RBM33: variants seen among roughly 807,000 people sequenced by gnomAD.
The protein encoded by RBM33 is RNA-binding protein 33.
Under a neutral mutation model 132.6 loss-of-function variants are expected in RBM33, and 28 were observed. The observed-to-expected ratio is 0.21, with a 90% CI of 0.16 to 0.29. RBM33 has a LOEUF of 0.29. Ranked by LOEUF, RBM33 falls within the 10% of genes least tolerant of loss-of-function variation. RBM33 has a pLI of 1.00. For synonymous variants in RBM33, 634 were observed against 593.0 expected, an observed-to-expected ratio of 1.07 and a Z score of -1.01; for missense variants, 1,291 against 1,518.5, an observed-to-expected ratio of 0.85 and a Z score of 2.49.
intron 1 of RBM33, among the ~76,000 whole-genome samples, chr7:155,656,781 T>G (rs1798504073): frequency 1.3e-5 from 2 of 152,186 alleles, no homozygotes; most frequent in South Asian, 4.1e-4. Context: ...TAAGTTTGAC[T>G]ATTCTTTTTA....
intron 5 of RBM33, among the ~76,000 whole-genome samples, chr7:155,696,313 G>A (rs982986314): frequency 6.6e-6 from 1 of 152,192 alleles, no homozygotes; most frequent in Admixed American, 6.5e-5. Context: ...AATGGATAGT[G>A]TTTTTAAATC....
chr7:155,668,264 G>A (rs919865816), intron 2 of RBM33, among the ~76,000 whole-genome samples: 5 of 152,098 alleles, frequency 3.3e-5, no homozygotes, highest in Non-Finnish European at 1.5e-5. Flanking sequence ...TTTGAATTGG[G>A]CGCACATGGT....
chr7:155,748,232 CCTATA>C (rs1801580859), intron 14 of RBM33, among the ~76,000 whole-genome samples: 2 of 152,214 alleles, frequency 1.3e-5, no homozygotes, highest in South Asian at 2.1e-4. Context: ...TTTTTTCTAA[CCTATA>C]CTATATCCTA....
chr7:155,682,641 A>G (rs1197925304), intron 5 of RBM33, among the ~76,000 whole-genome samples: 1 of 152,210 alleles, frequency 6.6e-6, no homozygotes, highest in Non-Finnish European at 1.5e-5. Context: ...TGCGGACACA[A>G]ATATTGCTAA....
chr7:155,778,250 C>T lies in RBM33; in HGVS notation c.*3209C>T, dbSNP rs1376237580. On this transcript the variant is annotated 3_prime_UTR_variant, in exon 18 of 18. Transcript: ENST00000401878. This position sits in a 1 kb window ranked among gnomAD's most constrained non-coding sequence, Gnocchi z 4.0. ...TTCTTAGCATGATTTGTAAAGGTCT[C>T]AGGCAAACAGTTGTTGAAGCTTGCT... 6.6e-6 allele frequency: 1 copy of T among 152,370 alleles called. No individual in the cohort carries two copies. Among genetic ancestry groups the T allele is most frequent in the East Asian group, 1.9e-4 (1 of 5,202 alleles). The allele number at this position is 152,370 out of a possible 1,614,324, so 9.4% of individuals were successfully genotyped here.
chr7:155,766,305 C>T (rs11770545), intron 15 of RBM33, among the ~76,000 whole-genome samples, 162 bp from the exon 16 acceptor site: 39,338 of 152,090 alleles, frequency 0.26, 5,673 homozygotes, highest in African/African-American at 0.39. Context: ...TCTCATTTAG[C>T]TATTAAAACA....
At chr7:155,749,030 T>C (rs1286213113) in intron 14 of RBM33, among the ~76,000 whole-genome samples, 1 of 152,194 alleles carries the variant, frequency 6.6e-6, no homozygotes, top group Non-Finnish European at 1.5e-5. Context: ...CACGCAGTCA[T>C]GTGATGGGGT....
chr7:155,710,150 G>T (rs896028004), intron 7 of RBM33, among the ~76,000 whole-genome samples: 1 of 152,168 alleles, frequency 6.6e-6, no homozygotes, highest in African/African-American at 2.4e-5. Flanking sequence ...GAAGCCCTCC[G>T]TAATTTGGCA....
At position 155,724,990 on chromosome 7, in the gene RBM33, T is replaced by TTTTGTGTG. The variant is rs71186056; in HGVS notation, c.1260+6548_1260+6549insTTGTGTGT. 1.4e-3 allele frequency among the ~76,000 whole-genome samples: 167 copies of TTTTGTGTG among 123,364 alleles called. 1 individual carries two copies. The highest frequency in any genetic ancestry group is 4.2e-3 in the Middle Eastern group (1 of 238). 80.9% of individuals were successfully genotyped at this position (123,364 alleles called of 152,430 possible). On this transcript the variant is annotated intron_variant, in intron 9 of 17. Coordinates refer to ENST00000401878, the MANE Select transcript of RBM33 (RefSeq NM_053043.3). ...TTGCTGTAAACATTTGTGTACAGGTTTGTGTGTGTGTGTGTGTGTGTGTGT... is the reference window on the plus strand; with the variant it reads ...TTGCTGTAAACATTTGTGTACAGGTTTTTGTGTGTGTGTGTGTGTGTGTGTGTGTGTGT...
chr7:155,661,575 T>G (rs891946687), intron 1 of RBM33, among the ~76,000 whole-genome samples: 10 of 151,810 alleles, frequency 6.6e-5, no homozygotes, highest in African/African-American at 2.2e-4. Context: ...ATCTGGCTAA[T>G]TTTTGTATTT....
chr7:155,670,005 G>A (rs1798903716), intron 2 of RBM33, among the ~76,000 whole-genome samples: 1 of 152,190 alleles, frequency 6.6e-6, no homozygotes, highest in Non-Finnish European at 1.5e-5. Context: ...CTAGAGTGGG[G>A]AGGACCCAGA....
chr7:155,766,214 C>T (rs978530828), intron 15 of RBM33, among the ~76,000 whole-genome samples: 5 of 152,138 alleles, frequency 3.3e-5, no homozygotes, highest in Admixed American at 2.0e-4. Context: ...CGAGCACAAG[C>T]GTGTGGCCCC....
chr7:155,677,399 A>C (rs1234415454), intron 3 of RBM33, among the ~76,000 whole-genome samples: 3 of 152,034 alleles, frequency 2.0e-5, no homozygotes, highest in African/African-American at 7.2e-5. Context: ...TAGTAGAGTC[A>C]GGGTTTCACC....
intron 11 of RBM33, chr7:155,738,731 A>G (rs1382098784): frequency 3.7e-6 from 1 of 272,208 alleles, no homozygotes; most frequent in Non-Finnish European, 7.0e-6. Context: ...GAGGTTTACC[A>G]GTGGAAATAC....
At chr7:155,741,256 G>A (rs1388003237) in intron 12 of RBM33, among the ~76,000 whole-genome samples, 1 of 145,916 alleles carries the variant, frequency 6.9e-6, no homozygotes, top group Admixed American at 7.0e-5. Flanking sequence ...TGTTCTCTTT[G>A]CCTCCTCCAG....
At chr7:155,700,546 C>CTT (rs529323301) in intron 5 of RBM33, among the ~76,000 whole-genome samples, 1,286 of 85,568 alleles carry the variant, frequency 0.015, 103 homozygotes, top group Non-Finnish European at 0.025. Context: ...AGAATTTGAC[C>CTT]TTTTTTTTTT....
At chr7:155,670,985 T>C (rs1391160350) in intron 2 of RBM33, among the ~76,000 whole-genome samples, 2 of 152,074 alleles carry the variant, frequency 1.3e-5, no homozygotes, top group Admixed American at 6.5e-5. Flanking sequence ...CTTGTATAAT[T>C]ACTAATGCCT....
chr7:155,770,153 A>G (rs1019189800), intron 16 of RBM33, among the ~76,000 whole-genome samples: 1 of 152,256 alleles, frequency 6.6e-6, no homozygotes, highest in African/African-American at 2.4e-5. Context: ...GTTGAAATTC[A>G]GGGGAAGTGC....
chr7:155,769,465 G>A (rs1291972690), intron 16 of RBM33, among the ~76,000 whole-genome samples: 4 of 152,154 alleles, frequency 2.6e-5, no homozygotes, highest in Admixed American at 6.5e-5. Flanking sequence ...GAGAGCCCTC[G>A]GAGATGCAGT....
Sources: gnomAD v4.1 joint callset for allele counts (sites outside exome capture counted in the v4.1 genomes callset) on GRCh38, gnomAD v4.1.1 for gene constraint, Gnocchi (gnomAD v3.1) non-coding constraint, MANE v1.5 for transcripts, NCBI Gene and HGNC (gene_info 2026-07-23, HGNC 2026-07-21) for gene names.